UBE4B: variants seen among roughly 807,000 people sequenced by gnomAD.
UBE4B encodes the protein ubiquitin conjugation factor E4 B.
A neutral mutation model predicts 148.1 loss-of-function variants in UBE4B; 27 were observed. The observed-to-expected ratio is 0.18, with a 90% CI of 0.13 to 0.25. The LOEUF is 0.25. Ranked by LOEUF, UBE4B falls within the 10% of genes least tolerant of loss-of-function variation. UBE4B has a pLI of 1.00. For missense variants in UBE4B, 1,170 were observed against 1,662.4 expected, an observed-to-expected ratio of 0.70 and a Z score of 5.15; for synonymous variants, 596 against 619.3, an observed-to-expected ratio of 0.96 and a Z score of 0.56.
chr1:10,112,047 G>A (rs186717022), intron 7 of UBE4B, among the ~76,000 whole-genome samples: 25 of 152,284 alleles, frequency 1.6e-4, no homozygotes, highest in Non-Finnish European at 2.8e-4. Flanking sequence ...AACTGAAACA[G>A]AGTCGCTTTA....
At position 10,168,193 on chromosome 1, in the gene UBE4B, TA is replaced by T; in HGVS notation, c.3257del (p.Tyr1086SerfsTer36). ...TCAGGATGAGCGTGTGTCCCGCTCTTACCTCGCCCTGGCCACCGAAACCGTG... is the reference window on the plus strand; with the variant it reads ...TCAGGATGAGCGTGTGTCCCGCTCTTCCTCGCCCTGGCCACCGAAACCGTG... ...LAQDERVSRS[Y>X]LALATETVDM... On this transcript the variant is annotated frameshift_variant, in exon 24 of 28. Transcript: ENST00000343090. LOFTEE classifies it high-confidence loss of function. The surrounding 1 kb of genome is among the most constrained non-coding windows in gnomAD (Gnocchi z 4.9). The T allele has an allele frequency of 6.2e-7, 1 of 1,614,180 alleles. No homozygotes were observed.
intron 1 of UBE4B, among the ~76,000 whole-genome samples, chr1:10,051,318 G>A (rs554047929): frequency 1.3e-5 from 2 of 152,240 alleles, no homozygotes; most frequent in Non-Finnish European, 2.9e-5. Context: ...GTGATGTGAA[G>A]TGTGCATGGT....
intron 1 of UBE4B, among the ~76,000 whole-genome samples, chr1:10,046,507 C>T (rs945472515): frequency 3.3e-5 from 5 of 152,078 alleles, no homozygotes; most frequent in African/African-American, 1.2e-4. Flanking sequence ...TAATACTCTG[C>T]GCTGGTCCAT....
chr1:10,052,521 T>A lies in UBE4B; in HGVS notation c.24+18827T>A, dbSNP rs561454383. 2.0e-3 allele frequency among the ~76,000 whole-genome samples: 299 copies of A among 152,346 alleles called. 1 individual carries two copies. Among genetic ancestry groups the A allele is most frequent in the Non-Finnish European group, 3.1e-3 (211 of 68,034 alleles). ...CACTCCTCAGGAATCATGTCTGTGA[T>A]CATGGTCTTTTGTTAGACCTGTGTC... On this transcript the variant is annotated intron_variant, in intron 1 of 27. Coordinates refer to ENST00000343090, the MANE Select transcript of UBE4B (RefSeq NM_001105562.3).
At chr1:10,043,269 A>T (rs746879668) in intron 1 of UBE4B, among the ~76,000 whole-genome samples, 1 of 151,832 alleles carries the variant, frequency 6.6e-6, no homozygotes, top group South Asian at 2.1e-4. Flanking sequence ...TCAGCCTCCC[A>T]AAGTGCCGGG....
At chr1:10,121,115 A>G (rs560524463) in intron 9 of UBE4B, among the ~76,000 whole-genome samples, 67 of 152,294 alleles carry the variant, frequency 4.4e-4, no homozygotes, top group Admixed American at 1.6e-3. Context: ...CTGTAATCCC[A>G]GCACTTTGGG....
intron 7 of UBE4B, chr1:10,107,411 T>C: frequency 1.6e-6 from 2 of 1,263,072 alleles, no homozygotes; most frequent in South Asian, 2.6e-5. Context: ...TGCATGTGCG[T>C]AGATGCTTAG....
At chr1:10,049,879 A>G (rs75483938) in intron 1 of UBE4B, among the ~76,000 whole-genome samples, 1 of 151,322 alleles carries the variant, frequency 6.6e-6, no homozygotes, top group African/African-American at 2.4e-5. Context: ...CGAGAGAGCA[A>G]AAGACCCTGT....
chr1:10,112,345 A>G (rs190142704), intron 7 of UBE4B, among the ~76,000 whole-genome samples: 2 of 152,252 alleles, frequency 1.3e-5, no homozygotes, highest in South Asian at 2.1e-4. Context: ...AATTTTGTAC[A>G]GCTGAGGGAA....
At chr1:10,120,032 G>A (rs1421496513) in intron 9 of UBE4B, among the ~76,000 whole-genome samples, 3 of 152,144 alleles carry the variant, frequency 2.0e-5, no homozygotes, top group African/African-American at 7.2e-5. Flanking sequence ...TAATGGAATG[G>A]ATAGTTTAGG....
At chr1:10,101,244 T>G (rs1645005335) in intron 4 of UBE4B, 49 bp downstream of exon 4, 1 of 1,574,162 alleles carries the variant, frequency 6.4e-7, no homozygotes, top group Non-Finnish European at 8.7e-7. Flanking sequence ...ATAAACACAT[T>G]TCATGTCTTG....
At chr1:10,051,797 A>G (rs1281726166) in intron 1 of UBE4B, among the ~76,000 whole-genome samples, 1 of 152,140 alleles carries the variant, frequency 6.6e-6, no homozygotes, top group East Asian at 1.9e-4. Flanking sequence ...CAGATGACTT[A>G]TTTTTGTCTT....
At chr1:10,159,221 G>A (rs2102005571) in intron 22 of UBE4B, among the ~76,000 whole-genome samples, 1 of 152,212 alleles carries the variant, frequency 6.6e-6, no homozygotes, top group Admixed American at 6.5e-5. Flanking sequence ...TTGTGGTAAG[G>A]CCCTAAACCT....
chr1:10,043,369 C>G lies in UBE4B; in HGVS notation c.24+9675C>G, dbSNP rs550761305. On this transcript the variant is annotated intron_variant, in intron 1 of 27. Transcript: ENST00000343090. ...TTTTCAATCATTTCTGAGATGTACT[C>G]TCCTCCCCCTTGTTTTCATCACATT... Among the ~76,000 whole-genome samples, 13 of 150,394 alleles carry G rather than the reference C, an allele frequency of 8.6e-5. No homozygotes were observed. In the South Asian group the frequency reaches 2.7e-3, roughly 32 times the overall value.
At chr1:10,131,234 T>G (rs1195057569) in intron 14 of UBE4B, among the ~76,000 whole-genome samples, 1 of 152,186 alleles carries the variant, frequency 6.6e-6, no homozygotes, top group African/African-American at 2.4e-5. Flanking sequence ...CCCAACACTT[T>G]GGGAGGCCGA....
chr1:10,105,060 G>A (rs1645082984), intron 5 of UBE4B, among the ~76,000 whole-genome samples: 2 of 152,162 alleles, frequency 1.3e-5, no homozygotes, highest in South Asian at 4.1e-4. Context: ...GGACTTAATA[G>A]TTTTATTACT....
intron 17 of UBE4B, among the ~76,000 whole-genome samples, chr1:10,141,014 T>C (rs1433734437): frequency 6.6e-6 from 1 of 152,196 alleles, no homozygotes; most frequent in East Asian, 1.9e-4. Context: ...CTCTGGTAGG[T>C]ATAATCATGT....
In UBE4B at chr1:10,166,870, AGCCAAGATCGC is replaced by A. The variant is rs1269284022; in HGVS notation, c.3199-1261_3199-1251del. On this transcript the variant is annotated intron_variant, in intron 23 of 27. Transcript: ENST00000343090. Reference sequence around the variant, plus strand: ...AACCCGGGAGGCAGAGATTGCAGTGAGCCAAGATCGCGCCACTGCACTCCAGCCTGGGCAAC... The same window carrying A: ...AACCCGGGAGGCAGAGATTGCAGTGAGCCACTGCACTCCAGCCTGGGCAAC... 1.3e-4 allele frequency among the ~76,000 whole-genome samples: 20 copies of A among 152,042 alleles called. No homozygotes were observed. In the East Asian group the frequency reaches 3.1e-3, roughly 24 times the overall value.
At chr1:10,055,642 A>G (rs1029592233) in intron 1 of UBE4B, among the ~76,000 whole-genome samples, 2 of 152,180 alleles carry the variant, frequency 1.3e-5, no homozygotes, top group South Asian at 2.1e-4. Context: ...AATGCTGGCC[A>G]GGCGCAGTGG....
Sources: gnomAD v4.1 joint callset for allele counts (sites outside exome capture counted in the v4.1 genomes callset) on GRCh38, gnomAD v4.1.1 for gene constraint, Gnocchi (gnomAD v3.1) non-coding constraint, MANE v1.5 for transcripts, NCBI Gene and HGNC (gene_info 2026-07-23, HGNC 2026-07-21) for gene names.